ZNF345: variants seen among roughly 807,000 people sequenced by gnomAD.
ZNF345 encodes the protein zinc finger protein 345, also known as zinc finger protein HZF10.
For missense variants in ZNF345, 527 were observed against 589.9 expected (o/e 0.89, Z 1.10); for synonymous variants, 166 against 187.9 (o/e 0.88, Z 0.95).
At chr19:36,860,668 T>C (rs1600696114) in intron 2 of ZNF345, among the ~76,000 whole-genome samples, 1 of 152,312 alleles carries the variant, frequency 6.6e-6, no homozygotes, top group South Asian at 2.1e-4. Context: ...ATTGTATCCT[T>C]CTTGCTGCAT....
chr19:36,872,137 A>G (rs2072783723), intron 2 of ZNF345, among the ~76,000 whole-genome samples: 2 of 152,100 alleles, frequency 1.3e-5, no homozygotes, highest in African/African-American at 4.8e-5. Flanking sequence ...CATAACCTTT[A>G]TTTGTCTCAT....
At chr19:36,855,866 A>C (rs1178188590) in intron 2 of ZNF345, among the ~76,000 whole-genome samples, 1 of 152,178 alleles carries the variant, frequency 6.6e-6, no homozygotes, top group Non-Finnish European at 1.5e-5. Context: ...TCTTTAGTTC[A>C]CATATTGTCT....
At chr19:36,854,247 T>A (rs897965858) in intron 2 of ZNF345, among the ~76,000 whole-genome samples, 4 of 151,754 alleles carry the variant, frequency 2.6e-5, no homozygotes. Flanking sequence ...TTTTTTTTTT[T>A]TTTATTGAGC....
At chr19:36,856,591 C>T (rs2072423240) in intron 2 of ZNF345, among the ~76,000 whole-genome samples, 1 of 152,156 alleles carries the variant, frequency 6.6e-6, no homozygotes, top group Non-Finnish European at 1.5e-5. Flanking sequence ...GCCAGTGGCT[C>T]ATGCCTGTAA....
chr19:36,868,444 A>G (rs2072707034), intron 2 of ZNF345, among the ~76,000 whole-genome samples: 1 of 151,722 alleles, frequency 6.6e-6, no homozygotes, highest in Non-Finnish European at 1.5e-5. Flanking sequence ...TTATTTCTGG[A>G]TTTTCAGTTT....
chr19:36,874,760 CAA>C (rs2072849518), intron 2 of ZNF345, among the ~76,000 whole-genome samples: 1 of 152,180 alleles, frequency 6.6e-6, no homozygotes, highest in Non-Finnish European at 1.5e-5. Context: ...GCTTAGGCAA[CAA>C]GAGCGAAACT....
chr19:36,892,107 A>G (rs1438099580), intron 3 of ZNF345: 1 of 1,614,074 alleles, frequency 6.2e-7, no homozygotes, highest in Non-Finnish European at 8.5e-7. Flanking sequence ...TCTGATGTTG[A>G]GAAAAATATG....
intron 2 of ZNF345, among the ~76,000 whole-genome samples, chr19:36,864,023 G>T (rs977243699): frequency 6.6e-6 from 1 of 152,148 alleles, no homozygotes; most frequent in Non-Finnish European, 1.5e-5. Flanking sequence ...TAATCCCAAA[G>T]TTCCATCTTT....
At chr19:36,893,097 G>A (rs963740746), downstream of ZNF345, 5 of 397,784 alleles carry the variant, frequency 1.3e-5, no homozygotes, top group Non-Finnish European at 2.2e-5. Context: ...TGAAAGGACT[G>A]TTAAGAATAA....
At chr19:36,862,255 G>T (rs1055181097) in intron 2 of ZNF345, among the ~76,000 whole-genome samples, 5 of 152,020 alleles carry the variant, frequency 3.3e-5, no homozygotes, top group African/African-American at 1.2e-4. Flanking sequence ...AGTTGCTTTT[G>T]TTATTCATTT....
intron 2 of ZNF345, among the ~76,000 whole-genome samples, chr19:36,853,482 G>A (rs941085672): frequency 6.6e-6 from 1 of 151,976 alleles, no homozygotes; most frequent in African/African-American, 2.4e-5. Context: ...TAGGTGATCT[G>A]CCTACCTCAG....
chr19:36,865,570 C>T (rs2072642136), intron 2 of ZNF345, among the ~76,000 whole-genome samples: 1 of 152,142 alleles, frequency 6.6e-6, no homozygotes. Context: ...ACGTGATTCT[C>T]CTGCCTCAGT....
intron 3 of ZNF345, chr19:36,892,761 C>T: frequency 2.1e-6 from 1 of 487,464 alleles, no homozygotes; most frequent in Non-Finnish European, 3.4e-6. Flanking sequence ...GCACCATCCT[C>T]CATATTATAG....
intron 3 of ZNF345, chr19:36,891,220 G>A (rs1026398909): frequency 1.2e-5 from 4 of 330,420 alleles, no homozygotes; most frequent in African/African-American, 6.4e-5. Context: ...ACAGAGGTTA[G>A]GAAAAAGGCA....
At chr19:36,852,128 C>CTTTTTTTTTTTTTTTTTTTTT (rs35747733) in intron 2 of ZNF345, among the ~76,000 whole-genome samples, 16 of 102,676 alleles carry the variant, frequency 1.6e-4, no homozygotes, top group East Asian at 2.9e-4. Flanking sequence ...TTCTTTCTTT[C>CTTTTTTTTTTTTTTTTTTTTT]TTTTTTTTTT....
rs936100285 is a variant in ZNF345, at chr19:36,891,172, T to C, written c.47-1646T>C. 3.8e-5 allele frequency: 9 copies of C among 233,772 alleles called. No homozygotes were observed. The East Asian group carries it at 5.5e-4, about 14-fold the overall frequency. 14.5% of individuals were successfully genotyped at this position (233,772 alleles called of 1,614,324 possible). A position where few individuals can be genotyped will look rare whatever the true frequency, so the allele number is the denominator to read the frequency against. On this transcript the variant is annotated intron_variant, in intron 3 of 3. Coordinates refer to the ZNF345 transcript ENST00000526123. ...TGGAGGCAGAGATTGGAATGGTGTATGTAAAAGCCATGGAATGCCAAGGAC... is the reference window on the plus strand; with the variant it reads ...TGGAGGCAGAGATTGGAATGGTGTACGTAAAAGCCATGGAATGCCAAGGAC...
chr19:36,855,100 C>T (rs1309158717), intron 2 of ZNF345, among the ~76,000 whole-genome samples: 2 of 151,446 alleles, frequency 1.3e-5, no homozygotes, highest in Non-Finnish European at 2.9e-5. Context: ...ATCCGCCTGC[C>T]TCAGCCTCCC....
chr19:36,883,569 A>G (rs1268831230), downstream of ZNF345, among the ~76,000 whole-genome samples: 1 of 152,210 alleles, frequency 6.6e-6, no homozygotes, highest in Admixed American at 6.5e-5. Flanking sequence ...ATGAAGTAAT[A>G]TTGTACACCT....
At chr19:36,883,374 C>T (rs2072979681), downstream of ZNF345, among the ~76,000 whole-genome samples, 1 of 152,210 alleles carries the variant, frequency 6.6e-6, no homozygotes, top group Non-Finnish European at 1.5e-5. Flanking sequence ...TTTTCTAAGA[C>T]TCAGCCTCTG....
Sources: allele counts gnomAD v4.1 joint callset (sites outside exome capture counted in the v4.1 genomes callset), GRCh38; gene constraint gnomAD v4.1.1; transcripts MANE v1.5; gene names NCBI Gene and HGNC (gene_info 2026-07-23, HGNC 2026-07-21).